The following SKOR2 variants were observed in gnomAD, a reference collection of about 807,000 sequenced individuals.
The protein encoded by SKOR2 is SKI family transcriptional corepressor 2, also known as LBX1 corepressor 1-like protein.
A neutral mutation model predicts 69.1 loss-of-function variants in SKOR2; 47 were observed. That is an observed-to-expected ratio of 0.68 (90% CI 0.54 to 0.87). The LOEUF (loss-of-function observed/expected upper bound fraction) is 0.87. Ranked by LOEUF, SKOR2 falls within the 40% of genes least tolerant of loss-of-function variation. The probability of loss-of-function intolerance (pLI) is 0.00; values close to 1 mark genes in which losing one functional copy is unlikely to be tolerated. For missense variants in SKOR2, 1,404 were observed against 1,472.2 expected (o/e 0.95, Z 0.76); for synonymous variants, 717 against 672.6 (o/e 1.07, Z -1.02).
intron 6 of SKOR2, among the ~76,000 whole-genome samples, chr18:47,221,074 A>G (rs567843182): frequency 2.7e-4 from 41 of 152,178 alleles, no homozygotes; most frequent in African/African-American, 7.5e-4. Flanking sequence ...AAAATCTCCA[A>G]TGGCTTTCCA....
chr18:47,251,538 G>A lies in SKOR2; in HGVS notation c.-212C>T, dbSNP rs2064312924. ...CCGAGCGAATGGCGCTCAAACCCCG[G>A]CCTGGGGAGAATGACGGCCTGAATT... is the stretch of plus-strand genomic sequence containing the variant. On this transcript the variant is annotated 5_prime_UTR_variant, in exon 1 of 9. Coordinates refer to ENST00000425639, the MANE Select transcript of SKOR2 (RefSeq NM_001278063.4). 6.6e-6 allele frequency: 1 copy of A among 152,316 alleles called. No individual in the cohort carries two copies. The highest frequency in any genetic ancestry group is 2.1e-4 in the South Asian group (1 of 4,840). 9.4% of individuals were successfully genotyped at this position (152,316 alleles called of 1,614,324 possible).
chr18:47,219,954 G>A lies in SKOR2; in HGVS notation c.2974C>T (p.Gln992Ter). Residue 992 changes from glutamine (Q) to a stop codon, truncating the protein, a stop_gained, in exon 7 of 9, where the codon CAG becomes TAG. Coordinates refer to ENST00000425639, the MANE Select transcript of SKOR2 (RefSeq NM_001278063.4). LOFTEE classifies it high-confidence loss of function. Reference protein sequence around the residue: ...ELAYREEMVQQLQIIPYAASL... With the variant: ...ELAYREEMVQ ...GAAATGCAGCTTACAATTTGTAACT[G>A]TTGCACCATTTCTTCTCGGTAGGCT... 1 of 1,535,864 alleles carries A rather than the reference G, an allele frequency of 6.5e-7. No homozygotes were observed. Among genetic ancestry groups the A allele is most frequent in the Non-Finnish European group, 8.7e-7 (1 of 1,146,748 alleles).
At chr18:47,227,381 A>C (rs932306904) in intron 6 of SKOR2, among the ~76,000 whole-genome samples, 3 of 119,254 alleles carry the variant, frequency 2.5e-5, no homozygotes, top group African/African-American at 1.0e-4. Context: ...TGTGTTGTCC[A>C]GGCTGGAGGG....
chr18:47,249,843 G>T (rs1263064973), intron 1 of SKOR2, among the ~76,000 whole-genome samples: 1 of 152,130 alleles, frequency 6.6e-6, no homozygotes, highest in Non-Finnish European at 1.5e-5. Context: ...ACTGTAATTA[G>T]AATTATTTTT....
intron 7 of SKOR2, among the ~76,000 whole-genome samples, chr18:47,213,996 A>G (rs2064135987): frequency 6.6e-6 from 1 of 152,228 alleles, no homozygotes; most frequent in African/African-American, 2.4e-5. Context: ...ATTTAGGATA[A>G]CAAACAATGT....
rs1428141829 is a variant in SKOR2 at position 47,247,074 on chromosome 18, G to A, written c.2110C>T (p.Pro704Ser). 2.2e-6 allele frequency: 3 copies of A among 1,383,956 alleles called. No individual in the cohort carries two copies. The highest frequency in any genetic ancestry group is 3.1e-5 in the East Asian group (1 of 32,590). The allele number at this position is 1,383,956 out of a possible 1,614,324, so 85.7% of individuals were successfully genotyped here. A position where few individuals can be genotyped will look rare whatever the true frequency, so the allele number is the denominator to read the frequency against. The change falls in exon 2 of 9, where the codon CCG becomes TCG. Residue 704 changes from proline to serine, a missense_variant. This residue lies in a region of SKOR2 where 1,266 missense variants were observed against 1,309.9 expected (regional missense o/e 0.97). Coordinates refer to ENST00000425639, the MANE Select transcript of SKOR2 (RefSeq NM_001278063.4). The surrounding 1 kb of genome is among the most constrained non-coding windows in gnomAD (Gnocchi z 6.6). ...APPPPPPPPP[P>S]PPLAQHPHHR... ...TGCGGGTGCTGGGCCAGAGGGGGCG[G>A]CGGGGGCGGCGGCGGCGGCGGCGGC... is the stretch of plus-strand genomic sequence containing the variant.
At chr18:47,214,172 G>T (rs2064136679) in intron 7 of SKOR2, among the ~76,000 whole-genome samples, 1 of 152,156 alleles carries the variant, frequency 6.6e-6, no homozygotes, top group Non-Finnish European at 1.5e-5. Context: ...CTCATTAGAG[G>T]AGTAAACTGC....
chr18:47,223,281 A>T (rs935710796), intron 6 of SKOR2, among the ~76,000 whole-genome samples: 2 of 152,188 alleles, frequency 1.3e-5, no homozygotes, highest in African/African-American at 4.8e-5. Context: ...TAGACACATG[A>T]AAAATGTTCA....
In SKOR2 at chr18:47,245,520, T is replaced by C. The variant is rs1234065542; in HGVS notation, c.2655A>G (p.Thr885=). 1.2e-4 allele frequency: 179 copies of C among 1,458,960 alleles called. No homozygotes were observed. The highest frequency in any genetic ancestry group is 1.6e-4 in the Non-Finnish European group (175 of 1,103,318). 90.4% of individuals were successfully genotyped at this position (1,458,960 alleles called of 1,614,324 possible). ...TKENNQVIVS[T]KDDNSFSDKN... ...TACCTGAAAAGCTGTTGTCATCCTT[T>C]GTAGATACAATTACTTGGTTATTTT... Residue 885 remains threonine, a synonymous_variant, in exon 3 of 9, where the codon ACA becomes ACG. Coordinates refer to ENST00000425639, the MANE Select transcript of SKOR2 (RefSeq NM_001278063.4).
At chr18:47,231,631 G>C (rs1010003743) in intron 4 of SKOR2, among the ~76,000 whole-genome samples, 2 of 152,044 alleles carry the variant, frequency 1.3e-5, no homozygotes, top group African/African-American at 4.8e-5. Flanking sequence ...ATCACTTGAC[G>C]TCAGGAGTTC....
intron 4 of SKOR2, 25 bp from the exon 5 acceptor site, chr18:47,231,025 T>G (rs1206339739): frequency 1.3e-6 from 2 of 1,535,772 alleles, no homozygotes; most frequent in Non-Finnish European, 1.7e-6. Context: ...GGAAAAATAC[T>G]ATTAGTTTTG....
At chr18:47,233,096 C>T (rs1048516521) in intron 4 of SKOR2, among the ~76,000 whole-genome samples, 4 of 152,094 alleles carry the variant, frequency 2.6e-5, no homozygotes, top group Admixed American at 6.6e-5. Context: ...TGAAAATATA[C>T]ACAAATATTC....
In SKOR2 at chr18:47,248,493, C is replaced by T; in HGVS notation, c.691G>A (p.Val231Ile). 2 of 1,536,468 alleles carry T rather than the reference C, an allele frequency of 1.3e-6. No individual in the cohort carries two copies. The highest frequency in any genetic ancestry group is 1.7e-6 in the Non-Finnish European group (2 of 1,146,712). The part of the protein sequence containing the change: ...QDELVFAWED[V>I]KAMFNGGSRK... ...CTGCCGCCGTTGAACATGGCCTTGACGTCCTCCCAGGCGAAGACCAGCTCG... is the reference window on the plus strand; with the variant it reads ...CTGCCGCCGTTGAACATGGCCTTGATGTCCTCCCAGGCGAAGACCAGCTCG... Residue 231 changes from valine (V) to isoleucine (I), a missense_variant, in exon 2 of 9, where the codon GTC (valine) becomes ATC (isoleucine). Val to Ile is a conservative substitution (Grantham distance 29). Around this residue, in one of 3 missense-constraint regions of SKOR2, gnomAD observed 1,266 missense variants for 1,309.9 expected, o/e 0.97. Coordinates refer to ENST00000425639, the MANE Select transcript of SKOR2 (RefSeq NM_001278063.4). The surrounding 1 kb of genome is among the most constrained non-coding windows in gnomAD (Gnocchi z 6.4).
At chr18:47,228,412 A>G (rs1445210209) in intron 6 of SKOR2, among the ~76,000 whole-genome samples, 1 of 152,236 alleles carries the variant, frequency 6.6e-6, no homozygotes, top group Non-Finnish European at 1.5e-5. Flanking sequence ...CAGTACTGTA[A>G]CATTCTAACA....
intron 4 of SKOR2, among the ~76,000 whole-genome samples, chr18:47,237,854 T>A (rs565460577): frequency 6.6e-6 from 1 of 152,168 alleles, no homozygotes; most frequent in South Asian, 2.1e-4. Flanking sequence ...GGCTAATTTT[T>A]AAAAATATTT....
At chr18:47,222,695 C>T (rs942268291) in intron 6 of SKOR2, among the ~76,000 whole-genome samples, 1 of 152,186 alleles carries the variant, frequency 6.6e-6, no homozygotes, top group East Asian at 1.9e-4. Flanking sequence ...ATCCAAGATG[C>T]CTTTGACCAG....
In SKOR2 at chr18:47,245,478, A is replaced by ATTTTTT. The variant is rs10670977; in HGVS notation, c.2677+14_2677+19dup. 0.021 allele frequency: 24,956 copies of ATTTTTT among 1,169,572 alleles called. 222 individuals are homozygous for ATTTTTT. The highest frequency in any genetic ancestry group is 0.026 in the Middle Eastern group (104 of 3,926). The allele number at this position is 1,169,572 out of a possible 1,614,324, so 72.4% of individuals were successfully genotyped here. On this transcript the variant is annotated intron_variant, in intron 3 of 8. Coordinates refer to ENST00000425639, the MANE Select transcript of SKOR2 (RefSeq NM_001278063.4). ...ATGCAGGCAAGAAAAGTGGCAGCTGATTTTTTTTTTTTTTTTTACCTGAAA... is the reference window on the plus strand; with the variant it reads ...ATGCAGGCAAGAAAAGTGGCAGCTGATTTTTTTTTTTTTTTTTTTTTTTACCTGAAA...
intron 6 of SKOR2, among the ~76,000 whole-genome samples, chr18:47,225,754 G>A (rs2137289): frequency 0.64 from 96,536 of 151,888 alleles, 31,131 homozygotes; most frequent in African/African-American, 0.76. Flanking sequence ...GAGGGGAGGC[G>A]CTCTGGACTA....
intron 6 of SKOR2, among the ~76,000 whole-genome samples, chr18:47,226,782 G>A (rs1478759009): frequency 1.3e-5 from 2 of 152,148 alleles, no homozygotes; most frequent in Admixed American, 1.3e-4. Flanking sequence ...ACTATGCTAA[G>A]CACTTCATGC....
Sources: gnomAD v4.1 joint callset for allele counts (sites outside exome capture counted in the v4.1 genomes callset) on GRCh38, gnomAD v4.1.1 for gene constraint, gnomAD v4.1.1 regional missense constraint, Gnocchi (gnomAD v3.1) non-coding constraint, MANE v1.5 for transcripts, NCBI Gene and HGNC (gene_info 2026-07-23, HGNC 2026-07-21) for gene names.